Variants in APBB2 observed in about 807,000 individuals in gnomAD.
APBB2 encodes amyloid beta precursor protein binding family B member 2.
In APBB2, 38 loss-of-function variants were observed where a neutral mutation model predicts 82.5. That is an observed-to-expected ratio of 0.46 (90% CI 0.36 to 0.60). APBB2 has a LOEUF of 0.60. APBB2 is among the 20% of genes least tolerant of loss of function. The pLI is 0.00. For synonymous variants in APBB2, 341 were observed against 368.2 expected, an observed-to-expected ratio of 0.93 and a Z score of 0.85; for missense variants, 772 against 972.3, an observed-to-expected ratio of 0.79 and a Z score of 2.74.
intron 3 of APBB2, among the ~76,000 whole-genome samples, chr4:41,075,310 T>C (rs1735297735): frequency 6.6e-6 from 1 of 152,244 alleles, no homozygotes; most frequent in African/African-American, 2.4e-5. Context: ...ATAATTTTAA[T>C]AAATCAGTTG....
chr4:41,093,244 C>T (rs1742392759), intron 3 of APBB2, among the ~76,000 whole-genome samples: 1 of 152,168 alleles, frequency 6.6e-6, no homozygotes, highest in South Asian at 2.1e-4. Context: ...TGAAGCAAAG[C>T]CTAAACTACC....
intron 6 of APBB2, among the ~76,000 whole-genome samples, chr4:40,979,436 T>TC (rs397725809): frequency 1.7e-5 from 1 of 59,694 alleles, no homozygotes; most frequent in Non-Finnish European, 4.3e-5. Flanking sequence ...GGATTTTACG[T>TC]ATTTATTTAC....
chr4:41,162,861 T>C (rs1405326483), intron 1 of APBB2, among the ~76,000 whole-genome samples: 1 of 152,128 alleles, frequency 6.6e-6, no homozygotes, highest in Non-Finnish European at 1.5e-5. Flanking sequence ...TCTGTTAAAA[T>C]AAATAATAAA....
At chr4:40,816,473 T>G (rs1745681414) in intron 17 of APBB2, among the ~76,000 whole-genome samples, 1 of 152,234 alleles carries the variant, frequency 6.6e-6, no homozygotes, top group African/African-American at 2.4e-5. Context: ...TTTGCCACCC[T>G]TTCCTTCCAT....
intron 12 of APBB2, among the ~76,000 whole-genome samples, chr4:40,887,806 G>A (rs544456776): frequency 1.3e-5 from 2 of 152,276 alleles, no homozygotes; most frequent in African/African-American, 2.4e-5. Context: ...AACCCTGAGC[G>A]TATTTCGAAA....
intron 3 of APBB2, among the ~76,000 whole-genome samples, chr4:41,075,883 T>C (rs1429569030): frequency 6.6e-6 from 1 of 152,230 alleles, no homozygotes; most frequent in Non-Finnish European, 1.5e-5. Context: ...CTGAAAAGTA[T>C]AGAGTGATCA....
rs756220836 is a variant in APBB2, at chr4:40,827,256, C to G, written c.1645-37G>C. On this transcript the variant is annotated intron_variant, in intron 13 of 17. Transcript: ENST00000508593. ...AAAGTGCAGCTTTGGAGCGTGGGTT[C>G]AAGCCCCCATGTCTTCAGCTATTCC... The G allele has an allele frequency of 1.9e-6, 3 of 1,580,846 alleles. No individual in the cohort carries two copies. The South Asian group carries it at 3.3e-5, about 18-fold the overall frequency.
At chr4:41,196,963 A>T in intron 1 of APBB2, among the ~76,000 whole-genome samples, 29,551 of 151,924 alleles carry the variant, frequency 0.19, 3,830 homozygotes, top group African/African-American at 0.37. Context: ...TAGTTTTTTT[A>T]AATTGTATTA....
intron 10 of APBB2, among the ~76,000 whole-genome samples, chr4:40,908,050 T>G (rs1777535852): frequency 6.6e-6 from 1 of 151,402 alleles, no homozygotes; most frequent in African/African-American, 2.4e-5. Flanking sequence ...GGTGTGGGTG[T>G]GTGTGGTGTG....
Position 40,870,822 on chromosome 4 carries a change from T to G in APBB2, c.1529+19542A>C, listed in dbSNP as rs538420316. Among the ~76,000 whole-genome samples the G allele has an allele frequency of 2.1e-5, 3 of 145,454 alleles. No individual in the cohort carries two copies. In the East Asian group the frequency reaches 6.2e-4, roughly 30 times the overall value. The stretch of plus-strand genomic sequence containing the variant: ...ATCCCGGCTCACTGCAAACTCCGCC[T>G]CCCAGGTTCAAGCGATTCTCCTGCC... On this transcript the variant is annotated intron_variant, in intron 12 of 17. Transcript: ENST00000508593.
chr4:41,093,581 C>A (rs780797677), intron 3 of APBB2, among the ~76,000 whole-genome samples: 2 of 152,062 alleles, frequency 1.3e-5, no homozygotes, highest in Non-Finnish European at 2.9e-5. Context: ...GGGCCGGGCG[C>A]GGTGGCTCAT....
intron 12 of APBB2, among the ~76,000 whole-genome samples, chr4:40,854,052 C>G (rs1404119702): frequency 6.6e-6 from 1 of 152,128 alleles, no homozygotes; most frequent in Non-Finnish European, 1.5e-5. Flanking sequence ...CCTTATCTGC[C>G]GAACAGCATA....
intron 12 of APBB2, among the ~76,000 whole-genome samples, chr4:40,847,686 G>A (rs986342867): frequency 6.6e-6 from 1 of 152,172 alleles, no homozygotes; most frequent in Admixed American, 6.5e-5. Context: ...TGTGGATATG[G>A]TGAATCACTT....
At chr4:41,208,556 C>T (rs1778541404) in intron 1 of APBB2, among the ~76,000 whole-genome samples, 1 of 152,128 alleles carries the variant, frequency 6.6e-6, no homozygotes, top group Non-Finnish European at 1.5e-5. Context: ...GCCACTGCTC[C>T]CGGTTTCTGC....
At chr4:41,047,289 G>A (rs925735446) in intron 4 of APBB2, among the ~76,000 whole-genome samples, 1 of 152,210 alleles carries the variant, frequency 6.6e-6, no homozygotes, top group African/African-American at 2.4e-5. Flanking sequence ...GCAGATAAAA[G>A]TATCTCAAAG....
chr4:41,130,363 C>T (rs1755625877), intron 2 of APBB2, among the ~76,000 whole-genome samples: 4 of 152,154 alleles, frequency 2.6e-5, no homozygotes, highest in South Asian at 2.1e-4. Flanking sequence ...CGACCTTCAG[C>T]GTAGATCCAT....
At chr4:41,013,481 C>CT (rs1808956036) in intron 6 of APBB2, 102 bp downstream of exon 6, 3 of 1,127,046 alleles carry the variant, frequency 2.7e-6, no homozygotes, top group Non-Finnish European at 3.8e-6. Flanking sequence ...ACGTTCCTCT[C>CT]TGCATAATGG....
At chr4:40,844,092 TG>T (rs1756784960) in intron 12 of APBB2, among the ~76,000 whole-genome samples, 1 of 152,214 alleles carries the variant, frequency 6.6e-6, no homozygotes, top group South Asian at 2.1e-4. Flanking sequence ...GGTGAACTTT[TG>T]TAGGGAAAGA....
intron 1 of APBB2, among the ~76,000 whole-genome samples, chr4:41,145,727 GAAC>G (rs1760531625): frequency 6.6e-6 from 1 of 151,842 alleles, no homozygotes; most frequent in South Asian, 2.1e-4. Context: ...GTTCAAAGAA[GAAC>G]AAAAGGCTTT....
Sources: gnomAD v4.1 joint callset for allele counts (sites outside exome capture counted in the v4.1 genomes callset) on GRCh38, gnomAD v4.1.1 for gene constraint, MANE v1.5 for transcripts, NCBI Gene and HGNC (gene_info 2026-07-23, HGNC 2026-07-21) for gene names.